PBX1: variants seen among roughly 807,000 people sequenced by gnomAD.
The protein encoded by PBX1 is PBX homeobox 1.
A neutral mutation model predicts 53.4 loss-of-function variants in PBX1; 6 were observed. That is an observed-to-expected ratio of 0.11 (90% CI 0.06 to 0.22). The LOEUF (loss-of-function observed/expected upper bound fraction) is 0.22, where lower values mean the gene tolerates loss of function less well. PBX1 is among the 10% of genes least tolerant of loss of function. The pLI is 1.00. For missense variants in PBX1, 251 were observed against 551.4 expected, an observed-to-expected ratio of 0.46 and a Z score of 5.46; for synonymous variants, 204 against 212.3, an observed-to-expected ratio of 0.96 and a Z score of 0.34.
At chr1:164,865,957 C>T (rs1024537858) in intron 2 of PBX1, among the ~76,000 whole-genome samples, 2 of 152,080 alleles carry the variant, frequency 1.3e-5, no homozygotes, top group African/African-American at 4.8e-5. Context: ...AATGCCATGA[C>T]AAGTCCCTGC....
At chr1:164,787,242 C>A (rs917068094) in intron 2 of PBX1, among the ~76,000 whole-genome samples, 2 of 152,122 alleles carry the variant, frequency 1.3e-5, no homozygotes, top group Non-Finnish European at 2.9e-5. Flanking sequence ...CTACCTTGTG[C>A]CTTTCCCCAG....
intron 2 of PBX1, among the ~76,000 whole-genome samples, chr1:164,760,602 T>C (rs35084195): frequency 0.31 from 46,527 of 152,136 alleles, 7,921 homozygotes; most frequent in Non-Finnish European, 0.38. Flanking sequence ...TTTACAACTT[T>C]CTTTTCTTCT....
At chr1:164,803,210 A>G (rs1192277286) in intron 4 of PBX1, among the ~76,000 whole-genome samples, 2 of 152,176 alleles carry the variant, frequency 1.3e-5, no homozygotes, top group African/African-American at 4.8e-5. Context: ...AGTGCATATA[A>G]AGGTGGGTCC....
chr1:164,841,634 G>A (rs1421296573), intron 8 of PBX1, among the ~76,000 whole-genome samples: 1 of 152,136 alleles, frequency 6.6e-6, no homozygotes, highest in Non-Finnish European at 1.5e-5. Flanking sequence ...AGTGCTGTCT[G>A]TGTAATCTTG....
At chr1:164,797,389 A>G (rs1255145122) in intron 3 of PBX1, among the ~76,000 whole-genome samples, 1 of 152,118 alleles carries the variant, frequency 6.6e-6, no homozygotes, top group Non-Finnish European at 1.5e-5. Context: ...CCATGTGCCT[A>G]GCCCTCCACT....
At chr1:164,644,333 A>G (rs982124404) in intron 2 of PBX1, among the ~76,000 whole-genome samples, 1 of 152,186 alleles carries the variant, frequency 6.6e-6, no homozygotes, top group Non-Finnish European at 1.5e-5. Flanking sequence ...ATCCAACTGT[A>G]CAGAAAAAAG....
At chr1:164,820,611 T>C (rs1041956371) in intron 7 of PBX1, among the ~76,000 whole-genome samples, 2 of 152,216 alleles carry the variant, frequency 1.3e-5, no homozygotes, top group Non-Finnish European at 2.9e-5. Flanking sequence ...TATATTACTA[T>C]CGGACGTTTT....
At chr1:164,576,480 C>G (rs994051068) in intron 2 of PBX1, among the ~76,000 whole-genome samples, 16 of 152,192 alleles carry the variant, frequency 1.1e-4, no homozygotes, top group African/African-American at 3.6e-4. Flanking sequence ...CGTGCGGCCC[C>G]CCTCAGACTC....
intron 8 of PBX1, among the ~76,000 whole-genome samples, chr1:164,826,606 T>C (rs535750125): frequency 1.3e-5 from 2 of 152,250 alleles, no homozygotes; most frequent in South Asian, 2.1e-4. Flanking sequence ...GGTTTCACCA[T>C]GTTGGCCAGG....
chr1:164,788,829 C>T (rs1487379883), intron 2 of PBX1, among the ~76,000 whole-genome samples: 1 of 126,432 alleles, frequency 7.9e-6, no homozygotes, highest in African/African-American at 3.0e-5. Context: ...GTGTCTTGAA[C>T]TCTAAGTGTA....
At position 164,850,053 on chromosome 1, in the gene PBX1, C is replaced by A. The variant is rs1355917665; in HGVS notation, c.*3377C>A. ...TATATTCAGATAAAGAAAAAAAAAA[C>A]CAAAAAAGCGGTCTGAATTTAATAG... On this transcript the variant is annotated 3_prime_UTR_variant, in exon 9 of 9. Coordinates refer to ENST00000420696, the MANE Select transcript of PBX1 (RefSeq NM_002585.4). The A allele has an allele frequency of 6.7e-5, 15 of 222,626 alleles. No homozygotes were observed. Among genetic ancestry groups the A allele is most frequent in the Middle Eastern group, 1.3e-3 (1 of 742 alleles). 13.8% of individuals were successfully genotyped at this position (222,626 alleles called of 1,614,324 possible).
At chr1:164,576,481 C>T (rs2101727240) in intron 2 of PBX1, among the ~76,000 whole-genome samples, 2 of 152,320 alleles carry the variant, frequency 1.3e-5, no homozygotes, top group Non-Finnish European at 2.9e-5. Flanking sequence ...GTGCGGCCCC[C>T]CTCAGACTCT....
chr1:164,711,563 A>G (rs899015205), intron 2 of PBX1, among the ~76,000 whole-genome samples: 1 of 152,154 alleles, frequency 6.6e-6, no homozygotes, highest in Non-Finnish European at 1.5e-5. Flanking sequence ...GCGCCCGGCT[A>G]GTTTTCTCTT....
intron 2 of PBX1, among the ~76,000 whole-genome samples, chr1:164,643,619 C>T (rs1335968398): frequency 1.3e-5 from 2 of 152,128 alleles, no homozygotes; most frequent in African/African-American, 4.8e-5. Flanking sequence ...AATACCTTGG[C>T]TTTATTTATT....
intron 2 of PBX1, among the ~76,000 whole-genome samples, chr1:164,594,770 C>T (rs1035889957): frequency 6.6e-6 from 1 of 152,158 alleles, no homozygotes; most frequent in Non-Finnish European, 1.5e-5. Context: ...TAAGTCTTCA[C>T]TATTTTGCAT....
chr1:164,610,701 A>G (rs570397639), intron 2 of PBX1, among the ~76,000 whole-genome samples: 41 of 152,324 alleles, frequency 2.7e-4, no homozygotes, highest in African/African-American at 9.6e-4. Flanking sequence ...CTAAATGATC[A>G]CAGGGCTGGC....
intron 2 of PBX1, among the ~76,000 whole-genome samples, chr1:164,875,306 T>G (rs1314318474): frequency 6.6e-6 from 1 of 152,098 alleles, no homozygotes; most frequent in East Asian, 1.9e-4. Context: ...TTTATTTATT[T>G]TATTTTATTT....
chr1:164,570,055 C>G (rs1423293687), intron 2 of PBX1, among the ~76,000 whole-genome samples: 1 of 152,164 alleles, frequency 6.6e-6, no homozygotes, highest in African/African-American at 2.4e-5. Context: ...ATGGTGTTTT[C>G]TTAGCGTCAG....
At chr1:164,799,244 A>G (rs902268511) in intron 3 of PBX1, among the ~76,000 whole-genome samples, 2 of 152,194 alleles carry the variant, frequency 1.3e-5, no homozygotes, top group African/African-American at 2.4e-5. Flanking sequence ...TAATCCCAGC[A>G]CTTTGGGAGG....
Sources: allele counts gnomAD v4.1 joint callset (sites outside exome capture counted in the v4.1 genomes callset), GRCh38; gene constraint gnomAD v4.1.1; transcripts MANE v1.5; gene names NCBI Gene and HGNC (gene_info 2026-07-23, HGNC 2026-07-21).